OSCAR: variants seen among roughly 807,000 people sequenced by gnomAD.
OSCAR encodes the protein osteoclast associated Ig-like receptor, also known as osteoclast-associated immunoglobulin-like receptor.
Under a neutral mutation model 27.3 loss-of-function variants are expected in OSCAR, and 25 were observed. The observed-to-expected ratio is 0.92, with a 90% CI of 0.67 to 1.28. OSCAR has a LOEUF of 1.28. Among genes scored for constraint, OSCAR ranks in the 50% most tolerant of loss-of-function variants. The probability of loss-of-function intolerance (pLI) is 0.00; values close to 1 mark genes in which losing one functional copy is unlikely to be tolerated. For missense variants in OSCAR, 354 were observed against 355.1 expected, an observed-to-expected ratio of 1.00 and a Z score of 0.03; for synonymous variants, 158 against 165.7, an observed-to-expected ratio of 0.95 and a Z score of 0.36.
rs1461638188 is a variant in OSCAR, at chr19:54,100,781, C to T, written c.12G>A (p.Val4=). 5 of 1,552,112 alleles carry T rather than the reference C, an allele frequency of 3.2e-6. No individual in the cohort carries two copies. The African/African-American group carries it at 5.5e-5, about 17-fold the overall frequency. The change falls in exon 1 of 5, where the codon GTG becomes GTA. Residue 4 remains valine (V), a synonymous_variant. Coordinates refer to ENST00000358375, the MANE Select transcript of OSCAR (RefSeq NM_133169.6). MAL[V]LILQLLTLWP... ...AGAGGGTCAGCAGCTGGAGGATCAG[C>T]ACCAGGGCCATGGTGGGCAGATACC... is the stretch of plus-strand genomic sequence containing the variant.
chr19:54,096,074 C>G lies in OSCAR; in HGVS notation c.453G>C (p.Ala151=). Residue 151 remains alanine, a synonymous_variant, in exon 4 of 5, where the codon GCG becomes GCC. Transcript: ENST00000358375. ...CGAAGCTCATGTTCCGCAGGCGGCC[C>G]GCGCAGCGCAGGCTCACGTTGGCGC... The part of the protein sequence containing the change: ...GPGANVSLRC[A]GRLRNMSFVL... The G allele has an allele frequency of 2.6e-6, 4 of 1,537,220 alleles. No homozygotes were observed. The highest frequency in any genetic ancestry group is 3.5e-6 in the Non-Finnish European group (4 of 1,147,014).
chr19:54,098,661 G>A (rs1438616656), intron 2 of OSCAR, among the ~76,000 whole-genome samples: 1 of 151,822 alleles, frequency 6.6e-6, no homozygotes, highest in Non-Finnish European at 1.5e-5. Flanking sequence ...TCCAGCCCGG[G>A]TGACACAATG....
Position 54,095,912 on chromosome 19 carries a change from C to G in OSCAR, c.615G>C (p.Val205=). 6.3e-7 allele frequency: 1 copy of G among 1,576,718 alleles called. No individual in the cohort carries two copies. Among genetic ancestry groups the G allele is most frequent in the Non-Finnish European group, 8.6e-7 (1 of 1,161,476 alleles). ...CCAGCACCTCGCTGCGCTGCGACAG[C>G]ACGTAGGGCGCGGAGGGCGTGTGAT... ...CYYHTPSAPY[V]LSQRSEVLVI... is the part of the protein sequence containing the mutation. Residue 205 remains valine, a synonymous_variant, in exon 4 of 5, where the codon GTG becomes GTC. Transcript: ENST00000358375.
chr19:54,096,812 C>G, intron 3 of OSCAR, 50 bp downstream of exon 3: 1 of 1,573,726 alleles, frequency 6.4e-7, no homozygotes, highest in Non-Finnish European at 8.6e-7. Flanking sequence ...CTGTCCCTCC[C>G]CCAACTCCCT....
At chr19:54,097,267 C>A (rs1159213547) in intron 2 of OSCAR, 103 bp from the exon 3 acceptor site, 2 of 1,168,798 alleles carry the variant, frequency 1.7e-6, no homozygotes, top group Non-Finnish European at 2.4e-6. Context: ...ATTACTGCCC[C>A]TTTCTTAGCC....
intron 1 of OSCAR, among the ~76,000 whole-genome samples, chr19:54,100,280 G>C: frequency 6.6e-6 from 1 of 152,160 alleles, no homozygotes; most frequent in Non-Finnish European, 1.5e-5. Context: ...ACCTACCGAA[G>C]AAGTCTGAAC....
intron 1 of OSCAR, 85 bp from the exon 2 acceptor site, chr19:54,099,865 T>G: frequency 2.0e-6 from 3 of 1,463,716 alleles, no homozygotes; most frequent in Non-Finnish European, 2.8e-6. Flanking sequence ...CAGGCTGGAG[T>G]GTAGTGGTGT....
Position 54,097,161 on chromosome 19 carries a change from G to T in OSCAR, c.74C>A (p.Pro25His), listed in dbSNP as rs775258997. Residue 25 changes from proline to histidine, a missense_variant, in exon 3 of 5, where the codon CCC (proline) becomes CAC (histidine). Pro to His is a moderately conservative substitution (Grantham distance 77). Transcript: ENST00000358375. ...TGGCTTAGGGTGGTATGAAGCTGGG[G>T]GGACTGAATAAACGGGGCTGCCTGG... is the stretch of plus-strand genomic sequence containing the variant. ...LCHTDITPSV[P>H]PASYHPKPWL... 6.2e-7 allele frequency: 1 copy of T among 1,611,002 alleles called. No homozygotes were observed. Among genetic ancestry groups the T allele is most frequent in the South Asian group, 1.1e-5 (1 of 91,042 alleles).
At chr19:54,097,946 A>G (rs751052375) in intron 2 of OSCAR, among the ~76,000 whole-genome samples, 64 of 152,074 alleles carry the variant, frequency 4.2e-4, no homozygotes, top group Admixed American at 1.4e-3. Flanking sequence ...GCAATATAGT[A>G]TTTCAAGAGT....
chr19:54,099,059 T>TGTTGG (rs34000466), intron 2 of OSCAR, among the ~76,000 whole-genome samples: 1 of 149,248 alleles, frequency 6.7e-6, no homozygotes, highest in East Asian at 2.0e-4. Flanking sequence ...AAAGAGTTTT[T>TGTTGG]TTTGTTTGTT....
Position 54,096,911 on chromosome 19 carries a change from C to G in OSCAR, c.324G>C (p.Gly108=). Residue 108 remains glycine (G), a synonymous_variant, in exon 3 of 5, where the codon GGG becomes GGC. Coordinates refer to ENST00000358375, the MANE Select transcript of OSCAR (RefSeq NM_133169.6). ...CGCTGGGCTGGGACCAGACACCCGG[C>G]CCCCAGTCTGGCCTTCGGTAGCAGC... The part of the protein sequence containing the change: ...YRCCYRRPDW[G]PGVWSQPSDV... 6.2e-7 allele frequency: 1 copy of G among 1,614,106 alleles called. No individual in the cohort carries two copies. The highest frequency in any genetic ancestry group is 8.5e-7 in the Non-Finnish European group (1 of 1,179,992).
At chr19:54,095,630 G>T in intron 4 of OSCAR, 1 of 1,041,462 alleles carries the variant, frequency 9.6e-7, no homozygotes, top group East Asian at 2.6e-5. Flanking sequence ...GAGGGAGGAG[G>T]TACTGGGGCC....
chr19:54,100,715 A>G, intron 1 of OSCAR, 41 bp downstream of exon 1: 1 of 1,546,644 alleles, frequency 6.5e-7, no homozygotes, highest in Non-Finnish European at 8.7e-7. Context: ...TCTGCCCCCA[A>G]CCCCAGCCAG....
Position 54,096,973 on chromosome 19 carries a change from C to T in OSCAR, c.262G>A (p.Glu88Lys), listed in dbSNP as rs751608993. The change falls in exon 3 of 5, where the codon GAG becomes AAG. Residue 88 changes from glutamate to lysine, a missense_variant. Physicochemically the swap from Glu to Lys is moderately conservative, Grantham distance 56 (BLOSUM62 1). Transcript: ENST00000358375. ...CCCCCTTGGGCTGGAGTCACCTCCT[C>T]CAGAAAGAATTCTGCCAGCTCGGAG... ...VSSELAEFFL[E>K]EVTPAQGGSY... is the part of the protein sequence containing the mutation. 6.8e-6 allele frequency: 11 copies of T among 1,614,040 alleles called. No homozygotes were observed. The South Asian group carries it at 1.2e-4, about 18-fold the overall frequency.
At position 54,097,009 on chromosome 19, in the gene OSCAR, G is replaced by A. The variant is rs1230924585; in HGVS notation, c.226C>T (p.Arg76Trp). The A allele has an allele frequency of 2.3e-5, 37 of 1,613,772 alleles. No individual in the cohort carries two copies. Among genetic ancestry groups the A allele is most frequent in the African/African-American group, 5.3e-5 (4 of 74,910 alleles). The change falls in exon 3 of 5, where the codon CGG becomes TGG. Residue 76 changes from arginine (R) to tryptophan (W), a missense_variant. Physicochemically the swap from Arg to Trp is moderately radical, Grantham distance 101 (BLOSUM62 -3). Coordinates refer to ENST00000358375, the MANE Select transcript of OSCAR (RefSeq NM_133169.6). ...KPGEIAPLLF[R>W]DVSSELAEFF... ...TCTGCCAGCTCGGAGGACACATCCCGGAAGAGAAGGGGAGCGATCTCTCCA... is the reference window on the plus strand; with the variant it reads ...TCTGCCAGCTCGGAGGACACATCCCAGAAGAGAAGGGGAGCGATCTCTCCA...
At chr19:54,100,010 C>T (rs1358718839) in intron 1 of OSCAR, among the ~76,000 whole-genome samples, 1 of 152,062 alleles carries the variant, frequency 6.6e-6, no homozygotes. Flanking sequence ...AGGGGTTTCG[C>T]CATGTTGGTC....
In OSCAR at chr19:54,096,115, G is replaced by T. The variant is rs2072674485; in HGVS notation, c.412C>A (p.Pro138Thr). Residue 138 changes from proline (P) to threonine (T), a missense_variant, in exon 4 of 5, where the codon CCG becomes ACG. Pro to Thr is a conservative substitution (Grantham distance 38). Coordinates refer to ENST00000358375, the MANE Select transcript of OSCAR (RefSeq NM_133169.6). ...PRPSLVALPG[P>T]VVGPGANVSL... ...ACGTTGGCGCCAGGACCCACCACCG[G>T]CCCGGGCAGCGCCACCAGCGACGGC... is the stretch of plus-strand genomic sequence containing the variant. 1 of 1,527,854 alleles carries T rather than the reference G, an allele frequency of 6.5e-7. No individual in the cohort carries two copies. The highest frequency in any genetic ancestry group is 8.7e-7 in the Non-Finnish European group (1 of 1,143,826). The allele number at this position is 1,527,854 out of a possible 1,614,324, so 94.6% of individuals were successfully genotyped here. A position where few individuals can be genotyped will look rare whatever the true frequency, so the allele number is the denominator to read the frequency against.
rs1267618078 is a variant in OSCAR, at chr19:54,099,244, T to TTTTTTTTTTTTTGTTTTTG, written c.70+503_70+504insCAAAAACAAAAAAAAAAAA. On this transcript the variant is annotated intron_variant, in intron 2 of 4. Transcript: ENST00000358375. ...CACCCGGCTAATTTTTTTTTTTTTTTTTTTTTTTTAGTAGAGACGGGGTTT... is the reference window on the plus strand; with the variant it reads ...CACCCGGCTAATTTTTTTTTTTTTTTTTTTTTTTTTTTGTTTTTGTTTTTTTTTAGTAGAGACGGGGTTT... Among the ~76,000 whole-genome samples the TTTTTTTTTTTTTGTTTTTG allele has an allele frequency of 4.0e-3, 537 of 133,182 alleles. 5 individuals carry two copies. Among genetic ancestry groups the TTTTTTTTTTTTTGTTTTTG allele is most frequent in the Non-Finnish European group, 6.5e-3 (407 of 62,582 alleles). The allele number at this position is 133,182 out of a possible 152,430, so 87.4% of individuals were successfully genotyped here. A position where few individuals can be genotyped will look rare whatever the true frequency, so the allele number is the denominator to read the frequency against.
chr19:54,095,540 G>C (rs1174162651), intron 4 of OSCAR, 183 bp from the exon 5 acceptor site: 2 of 1,344,506 alleles, frequency 1.5e-6, no homozygotes, highest in Non-Finnish European at 1.9e-6. Context: ...GGCCTGGACT[G>C]CTGGATCAGG....
Sources: allele counts gnomAD v4.1 joint callset (sites outside exome capture counted in the v4.1 genomes callset), GRCh38; gene constraint gnomAD v4.1.1; transcripts MANE v1.5; gene names NCBI Gene and HGNC (gene_info 2026-07-23, HGNC 2026-07-21).